The following CFAP54 variants were observed in gnomAD, a reference collection of about 807,000 sequenced individuals.
CFAP54 encodes cilia- and flagella-associated protein 54.
Under a neutral mutation model 370.4 loss-of-function variants are expected in CFAP54, and 290 were observed. The observed-to-expected ratio is 0.78, with a 90% CI of 0.71 to 0.86. The LOEUF is 0.86. CFAP54 is among the 40% of genes least tolerant of loss of function. The pLI, the probability that CFAP54 is intolerant of heterozygous loss-of-function variation, is 0.00. For missense variants in CFAP54, 3,399 were observed against 3,528.7 expected (o/e 0.96, Z 0.93); for synonymous variants, 1,206 against 1,236.5 (o/e 0.98, Z 0.52).
Position 96,691,372 on chromosome 12 carries a change from A to G in CFAP54, c.6264+62A>G, listed in dbSNP as rs548964695. The stretch of plus-strand genomic sequence containing the variant: ...GGATATTTTGCTCCACTTACCTCAT[A>G]CTTTTAAAATTTTGCTAATGTTCTT... On this transcript the variant is annotated intron_variant, in intron 44 of 67. Transcript: ENST00000524981. 1.4e-5 allele frequency: 18 copies of G among 1,250,820 alleles called. No individual in the cohort carries two copies. In the South Asian group the frequency reaches 2.8e-4, roughly 20 times the overall value. 77.5% of individuals were successfully genotyped at this position (1,250,820 alleles called of 1,614,324 possible).
chr12:96,819,122 G>A (rs185865065), intron 65 of CFAP54, among the ~76,000 whole-genome samples: 460 of 152,306 alleles, frequency 3.0e-3, no homozygotes, highest in Non-Finnish European at 4.9e-3. Context: ...TAGCTGCTAC[G>A]TTTGTTATTT....
intron 66 of CFAP54, among the ~76,000 whole-genome samples, chr12:96,838,935 A>T (rs1959195240): frequency 6.6e-6 from 1 of 152,236 alleles, no homozygotes; most frequent in Non-Finnish European, 1.5e-5. Context: ...GTCATAGCCG[A>T]GTCGGGCAGA....
intron 32 of CFAP54, 121 bp downstream of exon 32, chr12:96,630,772 A>T: frequency 2.2e-6 from 1 of 463,380 alleles, no homozygotes; most frequent in Non-Finnish European, 3.7e-6. Context: ...CCTTCAAGGA[A>T]CTTACATACT....
chr12:96,610,606 A>G (rs1362841484), intron 26 of CFAP54, among the ~76,000 whole-genome samples: 2 of 152,240 alleles, frequency 1.3e-5, no homozygotes, highest in Non-Finnish European at 2.9e-5. Flanking sequence ...TTACCCAGGA[A>G]GCACAAGGGG....
At chr12:96,554,910 A>G (rs1392115625) in intron 17 of CFAP54, 108 bp downstream of exon 17, 1 of 1,120,928 alleles carries the variant, frequency 8.9e-7, no homozygotes, top group Non-Finnish European at 1.2e-6. Flanking sequence ...AAGTTTTCAG[A>G]TAAATTTCAT....
At chr12:96,873,969 G>A (rs539630557) in intron 67 of CFAP54, among the ~76,000 whole-genome samples, 13 of 152,194 alleles carry the variant, frequency 8.5e-5, no homozygotes, top group African/African-American at 1.7e-4. Flanking sequence ...TTGGTTCTCC[G>A]TAGCATATGT....
chr12:96,503,861 T>C, intron 2 of CFAP54, 25 bp from the exon 3 acceptor site: 2 of 1,460,968 alleles, frequency 1.4e-6, no homozygotes, highest in Non-Finnish European at 1.8e-6. Flanking sequence ...TTTGGAACTT[T>C]AATCAAGTAC....
At chr12:96,822,062 T>C (rs140860218) in intron 65 of CFAP54, among the ~76,000 whole-genome samples, 7 of 152,238 alleles carry the variant, frequency 4.6e-5, no homozygotes, top group Non-Finnish European at 8.8e-5. Flanking sequence ...AGAACACATA[T>C]ATTAATTTAA....
intron 58 of CFAP54, among the ~76,000 whole-genome samples, chr12:96,760,509 A>C (rs1483915144): frequency 2.0e-5 from 3 of 152,200 alleles, no homozygotes; most frequent in African/African-American, 7.2e-5. Flanking sequence ...TTTTCCAGAC[A>C]TTTCATGTAA....
At chr12:96,627,004 T>A in intron 30 of CFAP54, 65 bp downstream of exon 30, 1 of 1,145,654 alleles carries the variant, frequency 8.7e-7, no homozygotes, top group Non-Finnish European at 1.1e-6. Flanking sequence ...TTGTCAGTTT[T>A]AAGAAATATA....
chr12:96,736,320 C>A (rs941180693), intron 50 of CFAP54, among the ~76,000 whole-genome samples: 9 of 152,146 alleles, frequency 5.9e-5, no homozygotes, highest in Non-Finnish European at 8.8e-5. Context: ...TCTAATGCCC[C>A]AAATTTACCA....
rs150742103 is a variant in CFAP54 at position 96,801,641 on chromosome 12, T to G, written c.8850+9142T>G. Among the ~76,000 whole-genome samples, 153 of 152,326 alleles carry G rather than the reference T, an allele frequency of 1.0e-3. 1 individual carries two copies. The highest frequency in any genetic ancestry group is 3.6e-3 in the African/African-American group (151 of 41,582). ...TTTATCCTGTCTCATCTTCCTGCTC[T>G]TTTTAGGATCCAGCATTCCTAGGAG... is the stretch of plus-strand genomic sequence containing the variant. On this transcript the variant is annotated intron_variant, in intron 63 of 67. Transcript: ENST00000524981.
intron 35 of CFAP54, 97 bp downstream of exon 35, chr12:96,650,169 A>C: frequency 9.0e-7 from 1 of 1,106,306 alleles, no homozygotes; most frequent in Non-Finnish European, 1.3e-6. Flanking sequence ...CTTATTATAC[A>C]TAATTTTAGT....
chr12:96,633,720 T>C (rs1454985407), intron 32 of CFAP54, among the ~76,000 whole-genome samples: 2 of 152,366 alleles, frequency 1.3e-5, no homozygotes, highest in East Asian at 3.9e-4. Flanking sequence ...AGCATTTGAC[T>C]ATTAGGAATA....
chr12:96,850,144 C>T (rs991953052), intron 66 of CFAP54, among the ~76,000 whole-genome samples: 3 of 150,848 alleles, frequency 2.0e-5, no homozygotes, highest in Non-Finnish European at 2.9e-5. Context: ...TTTGGGAGGC[C>T]GAGGCGGGCA....
chr12:96,704,785 GA>G lies in CFAP54; in HGVS notation c.6521del (p.Asn2174IlefsTer8). ...CTCAGGAAAACTTCTTACCAGTAAA[GA>G]AAATATACAGGTAAGGATAATAATA... ...FDSGKLLTSK[E>X]NIQAIDELRN... On this transcript the variant is annotated frameshift_variant, in exon 47 of 68. Coordinates refer to ENST00000524981, the MANE Select transcript of CFAP54 (RefSeq NM_001306084.2). LOFTEE classifies it high-confidence loss of function. 1 of 1,148,548 alleles carries G rather than the reference GA, an allele frequency of 8.7e-7. No individual in the cohort carries two copies. Among genetic ancestry groups the G allele is most frequent in the South Asian group, 1.5e-5 (1 of 67,252 alleles). 71.1% of individuals were successfully genotyped at this position (1,148,548 alleles called of 1,614,324 possible).
intron 32 of CFAP54, 58 bp downstream of exon 32, chr12:96,630,709 C>A: frequency 8.8e-7 from 1 of 1,133,004 alleles, no homozygotes; most frequent in Non-Finnish European, 1.2e-6. Flanking sequence ...ATGTGTTGGG[C>A]ATTATTTTGG....
chr12:96,649,129 C>T (rs10507075), intron 34 of CFAP54, among the ~76,000 whole-genome samples: 29,499 of 152,010 alleles, frequency 0.19, 3,480 homozygotes, highest in South Asian at 0.32. Flanking sequence ...TCTTGGTATG[C>T]CAGTTAATGC....
intron 61 of CFAP54, among the ~76,000 whole-genome samples, chr12:96,785,448 G>GCCCATCAGTGCAAA (rs1256116366): frequency 6.6e-6 from 1 of 152,106 alleles, no homozygotes; most frequent in Non-Finnish European, 1.5e-5. Flanking sequence ...ATCCAGTGTT[G>GCCCATCAGTGCAAA]CCCATCAGTG....
Sources: allele counts gnomAD v4.1 joint callset (sites outside exome capture counted in the v4.1 genomes callset), GRCh38; gene constraint gnomAD v4.1.1; transcripts MANE v1.5; gene names NCBI Gene and HGNC (gene_info 2026-07-23, HGNC 2026-07-21).